SGCZ: variants seen among roughly 807,000 people sequenced by gnomAD.
The protein encoded by SGCZ is sarcoglycan zeta, also known as zeta-sarcoglycan.
Under a neutral mutation model 41.3 loss-of-function variants are expected in SGCZ, and 40 were observed. The ratio of observed to expected loss-of-function variants is 0.97; its 90% CI spans 0.75 to 1.26. SGCZ has a LOEUF of 1.26. Ranked by LOEUF, SGCZ falls within the 50% of genes most tolerant of loss-of-function variation. The pLI, the probability that SGCZ is intolerant of heterozygous loss-of-function variation, is 0.00. For missense variants in SGCZ, 552 were observed against 369.8 expected, an observed-to-expected ratio of 1.49 and a Z score of -4.04; for synonymous variants, 206 against 137.5, an observed-to-expected ratio of 1.50 and a Z score of -3.49.
chr8:14,239,901 C>CAAAAAAAAAA (rs71209029), intron 3 of SGCZ, among the ~76,000 whole-genome samples: 10 of 41,366 alleles, frequency 2.4e-4, no homozygotes, highest in African/African-American at 2.1e-3. Context: ...GACTCCGTCT[C>CAAAAAAAAAA]AAAAAAAAAA....
At chr8:14,284,350 C>A (rs1201428545) in intron 3 of SGCZ, among the ~76,000 whole-genome samples, 1 of 152,172 alleles carries the variant, frequency 6.6e-6, no homozygotes, top group African/African-American at 2.4e-5. Context: ...TGTGGCCATG[C>A]CACTGAATTC....
intron 5 of SGCZ, among the ~76,000 whole-genome samples, chr8:14,113,610 G>A (rs538194021): frequency 6.6e-6 from 1 of 151,934 alleles, no homozygotes; most frequent in Admixed American, 6.6e-5. Context: ...AGGTGAACCC[G>A]GGAAGTATAC....
intron 1 of SGCZ, among the ~76,000 whole-genome samples, chr8:14,944,072 CA>C (rs1438964523): frequency 2.0e-5 from 3 of 152,074 alleles, no homozygotes; most frequent in Non-Finnish European, 2.9e-5. Context: ...TGATCATACT[CA>C]AGAATTGCCT....
At chr8:14,920,083 T>G (rs1799547220) in intron 1 of SGCZ, among the ~76,000 whole-genome samples, 1 of 152,200 alleles carries the variant, frequency 6.6e-6, no homozygotes, top group Non-Finnish European at 1.5e-5. Context: ...ATAATCAGAC[T>G]AACTGCCATT....
intron 1 of SGCZ, among the ~76,000 whole-genome samples, chr8:14,639,470 T>A (rs1349210595): frequency 6.6e-6 from 1 of 151,682 alleles, no homozygotes. Flanking sequence ...AGGGGATAAA[T>A]CAAATCACTC....
intron 1 of SGCZ, among the ~76,000 whole-genome samples, chr8:14,710,890 GA>G (rs1489691578): frequency 6.6e-6 from 1 of 152,052 alleles, no homozygotes; most frequent in Non-Finnish European, 1.5e-5. Flanking sequence ...CACTCAAAAC[GA>G]AGACCGAATA....
intron 3 of SGCZ, among the ~76,000 whole-genome samples, chr8:14,280,043 T>G (rs995519359): frequency 1.3e-5 from 2 of 151,974 alleles, no homozygotes; most frequent in African/African-American, 2.4e-5. Flanking sequence ...AAATATAGAT[T>G]TCTGAGTCAT....
chr8:14,094,973 T>G (rs1282224014), intron 7 of SGCZ, among the ~76,000 whole-genome samples: 1 of 72,924 alleles, frequency 1.4e-5, no homozygotes, highest in Non-Finnish European at 3.0e-5. Flanking sequence ...GCCCACTTTT[T>G]GATGGTTTTT....
At chr8:14,282,910 C>T (rs1159607250) in intron 3 of SGCZ, among the ~76,000 whole-genome samples, 3 of 122,102 alleles carry the variant, frequency 2.5e-5, no homozygotes, top group South Asian at 2.6e-4. Context: ...AGTGTAGTGG[C>T]GCGATCTCAG....
intron 2 of SGCZ, among the ~76,000 whole-genome samples, chr8:14,363,032 G>A (rs1026875059): frequency 6.6e-6 from 1 of 152,056 alleles, no homozygotes; most frequent in African/African-American, 2.4e-5. Context: ...TGACAATTTT[G>A]TATATTATTT....
At chr8:15,046,340 T>C (rs1399612913) in intron 1 of SGCZ, among the ~76,000 whole-genome samples, 1 of 152,074 alleles carries the variant, frequency 6.6e-6, no homozygotes, top group Non-Finnish European at 1.5e-5. Flanking sequence ...ACTAAAATAA[T>C]GACCATTCAA....
At chr8:15,145,882 CTCCT>C (rs1799022330) in intron 1 of SGCZ, among the ~76,000 whole-genome samples, 1 of 152,170 alleles carries the variant, frequency 6.6e-6, no homozygotes, top group African/African-American at 2.4e-5. Flanking sequence ...ATATATTTAT[CTCCT>C]CTGCCTCCCT....
Position 14,890,301 on chromosome 8 carries a change from G to A in SGCZ, c.40-335375C>T, listed in dbSNP as rs185199360. ...AAGAAACGAAAGGAAGGAAAGAAAC[G>A]AAAGAAAAGAAAAAGTTCTTGAAGG... On this transcript the variant is annotated intron_variant, in intron 1 of 7. Coordinates refer to ENST00000382080, the MANE Select transcript of SGCZ (RefSeq NM_139167.4). 4.2e-3 allele frequency among the ~76,000 whole-genome samples: 642 copies of A among 151,936 alleles called. 4 individuals carry two copies. The highest frequency in any genetic ancestry group is 0.015 in the African/African-American group (608 of 41,440).
intron 1 of SGCZ, among the ~76,000 whole-genome samples, chr8:15,157,985 T>A (rs907255955): frequency 6.6e-6 from 1 of 152,316 alleles, no homozygotes; most frequent in African/African-American, 2.4e-5. Context: ...AGAACTGTCC[T>A]CACTTTTGTT....
chr8:15,145,232 C>A (rs1448588922), intron 1 of SGCZ, among the ~76,000 whole-genome samples: 3 of 152,176 alleles, frequency 2.0e-5, no homozygotes, highest in Non-Finnish European at 4.4e-5. Flanking sequence ...GTACCTATAG[C>A]TGATCAACTG....
chr8:14,425,818 T>C (rs1425643367), intron 2 of SGCZ, among the ~76,000 whole-genome samples: 1 of 151,998 alleles, frequency 6.6e-6, no homozygotes, highest in Non-Finnish European at 1.5e-5. Flanking sequence ...TAATAAAATG[T>C]CAGTATTAAA....
At chr8:14,875,387 A>G (rs545480757) in intron 1 of SGCZ, among the ~76,000 whole-genome samples, 1 of 152,268 alleles carries the variant, frequency 6.6e-6, no homozygotes, top group South Asian at 2.1e-4. Context: ...ACTAGGTCTC[A>G]ACATGAATTT....
intron 2 of SGCZ, among the ~76,000 whole-genome samples, chr8:14,365,124 ATTACAGTGATATATGCT>A (rs1803652419): frequency 1.3e-5 from 2 of 152,132 alleles, no homozygotes; most frequent in South Asian, 4.1e-4. Context: ...CATATATGTT[ATTACAGTGATATATGCT>A]TTAGATTACA....
chr8:14,989,626 T>C (rs998948240), intron 1 of SGCZ, among the ~76,000 whole-genome samples: 1 of 152,106 alleles, frequency 6.6e-6, no homozygotes, highest in African/African-American at 2.4e-5. Context: ...ATGAAAATCA[T>C]AAAATGACTA....
Sources: allele counts gnomAD v4.1 joint callset (sites outside exome capture counted in the v4.1 genomes callset), GRCh38; gene constraint gnomAD v4.1.1; transcripts MANE v1.5; gene names NCBI Gene and HGNC (gene_info 2026-07-23, HGNC 2026-07-21).